Variants in PCDHA9 observed in about 807,000 individuals in gnomAD.
PCDHA9 encodes protocadherin alpha 9.
In PCDHA9, 62 loss-of-function variants were observed where a neutral mutation model predicts 62.0. The observed-to-expected ratio is 1.00, with a 90% CI of 0.81 to 1.23. PCDHA9 has a LOEUF of 1.23. Ranked by LOEUF, PCDHA9 falls within the 50% of genes most tolerant of loss-of-function variation. The pLI, the probability that PCDHA9 is intolerant of heterozygous loss-of-function variation, is 0.00. For synonymous variants in PCDHA9, 557 were observed against 567.6 expected (o/e 0.98, Z 0.27); for missense variants, 1,205 against 1,249.8 (o/e 0.96, Z 0.54).
intron 1 of PCDHA9, among the ~76,000 whole-genome samples, chr5:140,976,378 C>T (rs908008970): frequency 6.6e-6 from 1 of 151,926 alleles, no homozygotes; most frequent in Admixed American, 6.6e-5. Context: ...TGGTGAAACC[C>T]CATCTCTACT....
chr5:140,882,270 T>C lies in PCDHA9; in HGVS notation c.2394+31381T>C, dbSNP rs782125538. ...GCTCTGAGGTTTTTGGAGTGTACCA[T>C]GCTGTCTTCCTGGCAAGGAGGCCCA... On this transcript the variant is annotated intron_variant, in intron 1 of 3. Coordinates refer to ENST00000532602, the MANE Select transcript of PCDHA9 (RefSeq NM_031857.2). 35 of 1,611,468 alleles carry C rather than the reference T, an allele frequency of 2.2e-5. 1 individual carries two copies. The South Asian group carries it at 3.9e-4, about 18-fold the overall frequency.
intron 1 of PCDHA9, among the ~76,000 whole-genome samples, chr5:140,960,487 GGTTT>G: frequency 6.6e-6 from 1 of 152,236 alleles, no homozygotes; most frequent in South Asian, 2.1e-4. Context: ...CAGAGGTGTA[GGTTT>G]GTTTGTTCCA....
chr5:141,002,853 G>C (rs781830862), intron 3 of PCDHA9, among the ~76,000 whole-genome samples: 1 of 152,184 alleles, frequency 6.6e-6, no homozygotes, highest in Non-Finnish European at 1.5e-5. Context: ...ACTAGTGAGA[G>C]AACCAGGGCA....
chr5:140,883,887 C>G (rs782749190), intron 1 of PCDHA9: 1 of 1,613,348 alleles, frequency 6.2e-7, no homozygotes, highest in South Asian at 1.1e-5. Flanking sequence ...GCGCGCGACT[C>G]TGGCGTGCCG....
intron 1 of PCDHA9, chr5:140,866,016 T>C (rs191505079): frequency 6.6e-6 from 1 of 152,304 alleles, no homozygotes; most frequent in African/African-American, 2.4e-5. Flanking sequence ...ATTTTTTTCT[T>C]GTAAGAGTTC....
rs1554168216 is a variant in PCDHA9, at chr5:140,876,040, A to G, written c.2394+25151A>G. 2 of 1,613,752 alleles carry G rather than the reference A, an allele frequency of 1.2e-6. No homozygotes were observed. Among genetic ancestry groups the G allele is most frequent in the African/African-American group, 1.3e-5 (1 of 74,922 alleles). ...AATAAAAACAAAAAAAGATAAAAGT[A>G]TATTGCCTGAATTAGTTCTTCGGAA... On this transcript the variant is annotated intron_variant, in intron 1 of 3. Coordinates refer to ENST00000532602, the MANE Select transcript of PCDHA9 (RefSeq NM_031857.2).
chr5:140,869,934 A>ATTTTTTTTC, intron 1 of PCDHA9: 1 of 1,612,052 alleles, frequency 6.2e-7, no homozygotes, highest in African/African-American at 1.3e-5. Context: ...ATGGAGAGGT[A>ATTTTTTTTC]ACATACTCCT....
Position 140,850,680 on chromosome 5 carries a change from G to T in PCDHA9, c.2185G>T (p.Glu729Ter). ...TVLRCSAMPTEGECAPGKPTL... is the reference protein window; with the variant it reads ...TVLRCSAMPT The stretch of plus-strand genomic sequence containing the variant: ...GCTGCGGTGCTCGGCGATGCCCACC[G>T]AGGGCGAGTGCGCGCCTGGCAAGCC... Residue 729 changes from glutamate (E) to a stop codon, truncating the protein, a stop_gained, in exon 1 of 4, where the codon GAG becomes TAG. Coordinates refer to ENST00000532602, the MANE Select transcript of PCDHA9 (RefSeq NM_031857.2). LOFTEE classifies it high-confidence loss of function. The T allele has an allele frequency of 6.3e-7, 1 of 1,598,518 alleles. No homozygotes were observed. Among genetic ancestry groups the T allele is most frequent in the Non-Finnish European group, 8.6e-7 (1 of 1,167,870 alleles).
chr5:140,944,881 T>C (rs1554216593), intron 1 of PCDHA9, among the ~76,000 whole-genome samples: 1 of 152,180 alleles, frequency 6.6e-6, no homozygotes, highest in Non-Finnish European at 1.5e-5. Flanking sequence ...CCTACTCCAC[T>C]GTACAGTTCC....
chr5:140,921,715 G>A (rs1313930887), intron 1 of PCDHA9, among the ~76,000 whole-genome samples: 9 of 152,080 alleles, frequency 5.9e-5, no homozygotes, highest in African/African-American at 1.7e-4. Flanking sequence ...GTAAACACAC[G>A]AATTACTCCC....
intron 1 of PCDHA9, chr5:140,967,993 T>C (rs372478638): frequency 1.5e-5 from 24 of 1,614,206 alleles, no homozygotes; most frequent in Non-Finnish European, 1.2e-5. Flanking sequence ...CCACACTGCC[T>C]TTCCGACTGA....
intron 1 of PCDHA9, among the ~76,000 whole-genome samples, chr5:140,964,119 TAAC>T (rs146855097): frequency 0.014 from 2,059 of 152,320 alleles, 49 homozygotes; most frequent in African/African-American, 0.047. Context: ...AATCACATTC[TAAC>T]AACTAGTAAG....
At chr5:140,894,658 G>A (rs962936177) in intron 1 of PCDHA9, among the ~76,000 whole-genome samples, 4 of 151,172 alleles carry the variant, frequency 2.6e-5, no homozygotes, top group Non-Finnish European at 5.9e-5. Flanking sequence ...CTCTAATTCT[G>A]ATTTGTGTAT....
intron 1 of PCDHA9, chr5:140,968,827 C>T (rs1398985109): frequency 1.2e-6 from 2 of 1,614,094 alleles, no homozygotes; most frequent in Non-Finnish European, 1.7e-6. Context: ...TTTCCAAAAT[C>T]CTCCCTGACA....
intron 1 of PCDHA9, among the ~76,000 whole-genome samples, chr5:140,941,215 C>CTT (rs782548958): frequency 1.2e-4 from 13 of 104,510 alleles, no homozygotes; most frequent in African/African-American, 4.4e-4. Flanking sequence ...TTCTTTCTTC[C>CTT]TTTCTTTCTT....
intron 1 of PCDHA9, chr5:140,860,149 A>ATG (rs1239190968): frequency 6.7e-6 from 1 of 150,348 alleles, no homozygotes; most frequent in East Asian, 1.9e-4. Context: ...ATATGTATAT[A>ATG]TGTGTATATA....
intron 1 of PCDHA9, among the ~76,000 whole-genome samples, chr5:140,904,057 G>T (rs1043471579): frequency 6.6e-6 from 1 of 151,986 alleles, no homozygotes; most frequent in Non-Finnish European, 1.5e-5. Context: ...ATTTCAATGG[G>T]TTTTTGGGGA....
intron 1 of PCDHA9, chr5:140,969,627 G>A: frequency 1.5e-6 from 1 of 664,866 alleles, no homozygotes; most frequent in Non-Finnish European, 2.5e-6. Flanking sequence ...AGAGAAACAG[G>A]ACAGGCCTTG....
intron 1 of PCDHA9, among the ~76,000 whole-genome samples, chr5:140,960,972 T>G (rs936519951): frequency 4.9e-4 from 75 of 152,306 alleles, no homozygotes; most frequent in Non-Finnish European, 2.2e-4. Flanking sequence ...GCAGTTGCAA[T>G]TCTTGTTCCA....
Sources: gnomAD v4.1 joint callset for allele counts (sites outside exome capture counted in the v4.1 genomes callset) on GRCh38, gnomAD v4.1.1 for gene constraint, MANE v1.5 for transcripts, NCBI Gene and HGNC (gene_info 2026-07-23, HGNC 2026-07-21) for gene names.